SLC6A4: variants seen among roughly 807,000 people sequenced by gnomAD.
SLC6A4 encodes the protein sodium-dependent serotonin transporter.
A neutral mutation model predicts 73.4 loss-of-function variants in SLC6A4; 22 were observed. The ratio of observed to expected loss-of-function variants is 0.30; its 90% confidence interval spans 0.21 to 0.43. The LOEUF (loss-of-function observed/expected upper bound fraction) is 0.43. SLC6A4 is among the 20% of genes least tolerant of loss of function. The pLI is 1.00. For synonymous variants in SLC6A4, 270 were observed against 315.5 expected (o/e 0.86, Z 1.53); for missense variants, 593 against 808.5 (o/e 0.73, Z 3.23).
Position 30,211,656 on chromosome 17 carries a change from C to T in SLC6A4, c.1205-232G>A, listed in dbSNP as rs1906389871. Among the ~76,000 whole-genome samples the T allele has an allele frequency of 6.6e-6, 1 of 152,178 alleles. No homozygotes were observed. Among genetic ancestry groups the T allele is most frequent in the Non-Finnish European group, 1.5e-5 (1 of 68,034 alleles). On this transcript the variant is annotated intron_variant, in intron 9 of 14. Coordinates refer to ENST00000650711, the MANE Select transcript of SLC6A4 (RefSeq NM_001045.6). This position sits in a 1 kb window ranked among gnomAD's most constrained non-coding sequence, Gnocchi z 4.0. ...GCTTCCATCTTGAAAACTGTGTGCC[C>T]TCCATTAACCCTGGGGGTGGGTAAC...
intron 3 of SLC6A4, among the ~76,000 whole-genome samples, chr17:30,221,268 C>T (rs971025018): frequency 7.9e-5 from 12 of 152,196 alleles, no homozygotes; most frequent in African/African-American, 2.2e-4. Flanking sequence ...TGAGCCACCA[C>T]GCCTGGCGAG....
intron 1 of SLC6A4, among the ~76,000 whole-genome samples, chr17:30,231,693 C>T (rs1907120855): frequency 1.3e-5 from 2 of 151,986 alleles, no homozygotes; most frequent in Admixed American, 6.5e-5. Flanking sequence ...TGAAAATTTT[C>T]AAAAGAAAAA....
intron 3 of SLC6A4, 51 bp from the exon 4 acceptor site, chr17:30,218,982 T>C: frequency 6.2e-7 from 1 of 1,608,346 alleles, no homozygotes; most frequent in Non-Finnish European, 8.5e-7. Flanking sequence ...TGTCCCAGGA[T>C]AGCCCAACCA....
At position 30,211,976 on chromosome 17, in the gene SLC6A4, G is replaced by A. The variant is rs1174142093; in HGVS notation, c.1205-552C>T. Among the ~76,000 whole-genome samples, 1 of 152,092 alleles carries A rather than the reference G, an allele frequency of 6.6e-6. No homozygotes were observed. Among genetic ancestry groups the A allele is most frequent in the African/African-American group, 2.4e-5 (1 of 41,408 alleles). ...GGGGTGCCCTCGTTTGGGGTATGGG[G>A]TTGGTCAAAGCACCGAATCAGGCCA... On this transcript the variant is annotated intron_variant, in intron 9 of 14. Transcript: ENST00000650711. The surrounding 1 kb of genome is among the most constrained non-coding windows in gnomAD (Gnocchi z 4.0).
intron 8 of SLC6A4, among the ~76,000 whole-genome samples, chr17:30,214,721 C>T (rs1906501810): frequency 1.3e-5 from 2 of 150,656 alleles, no homozygotes; most frequent in Non-Finnish European, 3.0e-5. Context: ...CAAACTCCAC[C>T]TCCTGGGTTC....
intron 14 of SLC6A4, among the ~76,000 whole-genome samples, chr17:30,201,222 T>G (rs1906023137): frequency 6.6e-6 from 1 of 152,112 alleles, no homozygotes; most frequent in Admixed American, 6.5e-5. Context: ...TGAGCACATT[T>G]GAAAGAGGAG....
rs943405676 is a variant in SLC6A4 at position 30,198,252 on chromosome 17, C to T, written c.*204G>A. The stretch of plus-strand genomic sequence containing the variant: ...CCAGCTCAGCTGTGTCACAGTCTAC[C>T]ATGGGAATATGTCCAGGGGAATCCA... On this transcript the variant is annotated 3_prime_UTR_variant, in exon 15 of 15. Coordinates refer to ENST00000650711, the MANE Select transcript of SLC6A4 (RefSeq NM_001045.6). The T allele has an allele frequency of 4.3e-6, 2 of 463,776 alleles. No homozygotes were observed. The highest frequency in any genetic ancestry group is 2.0e-5 in the African/African-American group (1 of 49,966). The allele number at this position is 463,776 out of a possible 1,614,324, so 28.7% of individuals were successfully genotyped here.
chr17:30,212,705 G>C (rs1375657226), intron 9 of SLC6A4, 35 bp downstream of exon 9: 4 of 1,605,494 alleles, frequency 2.5e-6, no homozygotes, highest in Non-Finnish European at 3.4e-6. Context: ...CAACTCAGTA[G>C]GAGCAAGGGA....
At position 30,194,401 on chromosome 17, in the gene SLC6A4, TG is replaced by T. The variant is rs748350730; in HGVS notation, c.*4054del. ...ACTGCATAAATGAATACAAGGGCAC[TG>T]TATGAATTTTAGAAAGGGGACTCTT... On this transcript the variant is annotated 3_prime_UTR_variant, in exon 15 of 15. Transcript: ENST00000650711. 1.3e-5 allele frequency: 2 copies of T among 152,186 alleles called. No homozygotes were observed. Among genetic ancestry groups the T allele is most frequent in the African/African-American group, 2.4e-5 (1 of 41,450 alleles). The allele number at this position is 152,186 out of a possible 1,614,324, so 9.4% of individuals were successfully genotyped here.
intron 14 of SLC6A4, among the ~76,000 whole-genome samples, chr17:30,200,121 G>A (rs372216356): frequency 3.3e-5 from 5 of 152,216 alleles, no homozygotes; most frequent in African/African-American, 4.8e-5. Context: ...AGAGATCACC[G>A]AGGTGTTTGG....
rs1291196377 is a variant in SLC6A4 at position 30,235,308 on chromosome 17, G to A, written c.-221+305C>T. On this transcript the variant is annotated intron_variant, in intron 1 of 14. Coordinates refer to ENST00000650711, the MANE Select transcript of SLC6A4 (RefSeq NM_001045.6). This position sits in a 1 kb window ranked among gnomAD's most constrained non-coding sequence, Gnocchi z 4.5. ...CTTTGCTCAAGACCCTCTTTAAGGG[G>A]TCTTTCACGGGTCCTCAAGAGGTTG... Among the ~76,000 whole-genome samples, 1 of 152,180 alleles carries A rather than the reference G, an allele frequency of 6.6e-6. No individual in the cohort carries two copies. The highest frequency in any genetic ancestry group is 1.5e-5 in the Non-Finnish European group (1 of 68,028).
At position 30,211,356 on chromosome 17, in the gene SLC6A4, T is replaced by C. The variant is rs28914832; in HGVS notation, c.1273A>G (p.Ile425Val). The C allele has an allele frequency of 8.2e-4, 1,321 of 1,613,638 alleles. No homozygotes were observed. The highest frequency in any genetic ancestry group is 9.0e-4 in the Admixed American group (54 of 60,008). ...ANMPASTFFAIIFFLMLITLG... is the reference protein window; with the variant it reads ...ANMPASTFFAVIFFLMLITLG... ...GTGATTAACATCAGAAAGAAGATGA[T>C]GGCAAAGAAAGTGGACGCTGGCATG... The change falls in exon 10 of 15, where the codon ATC becomes GTC. Residue 425 changes from isoleucine (I) to valine (V), a missense_variant. By Grantham distance (29) the Ile-to-Val change is conservative. Coordinates refer to ENST00000650711, the MANE Select transcript of SLC6A4 (RefSeq NM_001045.6). This position sits in a 1 kb window ranked among gnomAD's most constrained non-coding sequence, Gnocchi z 4.0.
chr17:30,226,878 A>T (rs866546606), intron 1 of SLC6A4, among the ~76,000 whole-genome samples: 4 of 120,524 alleles, frequency 3.3e-5, no homozygotes, highest in Non-Finnish European at 7.3e-5. Flanking sequence ...GTCTCAAAAA[A>T]AAAAGAAAAA....
rs1184475088 is a variant in SLC6A4, at chr17:30,211,910, A to G, written c.1205-486T>C. On this transcript the variant is annotated intron_variant, in intron 9 of 14. Coordinates refer to ENST00000650711, the MANE Select transcript of SLC6A4 (RefSeq NM_001045.6). The surrounding 1 kb of genome is among the most constrained non-coding windows in gnomAD (Gnocchi z 4.0). ...CTTTCTATTTTAAAGTCCCTTTTGA[A>G]AGTGTGAGGGACATGTCTTCAGCCT... is the stretch of plus-strand genomic sequence containing the variant. 6.6e-6 allele frequency among the ~76,000 whole-genome samples: 1 copy of G among 152,136 alleles called. No homozygotes were observed. The highest frequency in any genetic ancestry group is 1.9e-4 in the East Asian group (1 of 5,198).
chr17:30,207,271 G>A (rs1275458305), intron 13 of SLC6A4, among the ~76,000 whole-genome samples: 1 of 152,072 alleles, frequency 6.6e-6, no homozygotes, highest in African/African-American at 2.4e-5. Context: ...TGCTGGTCAT[G>A]TTTTTGTCTC....
Position 30,221,770 on chromosome 17 carries a change from G to A in SLC6A4, c.189C>T (p.Ile63=). The A allele has an allele frequency of 6.2e-7, 1 of 1,614,150 alleles. No individual in the cohort carries two copies. Among genetic ancestry groups the A allele is most frequent in the East Asian group, 2.2e-5 (1 of 44,884 alleles). ...CCACTAGGGTGGTGGTGGTCGCTGG[G>A]ATAGAGTGCCGTGTGTCATCTCCCG... ...PGAGDDTRHS[I]PATTTTLVAE... The change falls in exon 3 of 15, where the codon ATC becomes ATT. Residue 63 remains isoleucine, a synonymous_variant. Coordinates refer to ENST00000650711, the MANE Select transcript of SLC6A4 (RefSeq NM_001045.6).
chr17:30,233,400 G>A (rs1190641705), intron 1 of SLC6A4, among the ~76,000 whole-genome samples: 2 of 152,178 alleles, frequency 1.3e-5, no homozygotes, highest in African/African-American at 2.4e-5. Context: ...TAAGGTGCAG[G>A]GGTTAACTTA....
intron 14 of SLC6A4, among the ~76,000 whole-genome samples, chr17:30,200,039 C>T (rs1905983862): frequency 6.6e-6 from 1 of 152,156 alleles, no homozygotes; most frequent in Admixed American, 6.5e-5. Flanking sequence ...GCTGGACCTA[C>T]AGGTGCATGG....
In SLC6A4 at chr17:30,198,231, C is replaced by T. The variant is rs113691926; in HGVS notation, c.*225G>A. 1 of 426,778 alleles carries T rather than the reference C, an allele frequency of 2.3e-6. No homozygotes were observed. Among genetic ancestry groups the T allele is most frequent in the Non-Finnish European group, 4.1e-6 (1 of 241,618 alleles). The allele number at this position is 426,778 out of a possible 1,614,324, so 26.4% of individuals were successfully genotyped here. A position where few individuals can be genotyped will look rare whatever the true frequency, so the allele number is the denominator to read the frequency against. ...TCCTCACACGTCCAAAATAGGCCAG[C>T]TCAGCTGTGTCACAGTCTACCATGG... On this transcript the variant is annotated 3_prime_UTR_variant, in exon 15 of 15. Coordinates refer to ENST00000650711, the MANE Select transcript of SLC6A4 (RefSeq NM_001045.6).
Sources: allele counts gnomAD v4.1 joint callset (sites outside exome capture counted in the v4.1 genomes callset), GRCh38; gene constraint gnomAD v4.1.1; non-coding constraint Gnocchi (gnomAD v3.1); transcripts MANE v1.5; gene names NCBI Gene and HGNC (gene_info 2026-07-23, HGNC 2026-07-21).